The following CUL4A variants were observed in gnomAD, a reference collection of about 807,000 sequenced individuals.
CUL4A encodes cullin 4A.
In CUL4A, 16 loss-of-function variants were observed where a neutral mutation model predicts 95.5. The ratio of observed to expected loss-of-function variants is 0.17; its 90% CI spans 0.11 to 0.25. The LOEUF is 0.25. Among genes scored for constraint, CUL4A ranks in the 10% least tolerant of loss-of-function variants. The pLI is 1.00. For missense variants in CUL4A, 610 were observed against 937.0 expected, an observed-to-expected ratio of 0.65 and a Z score of 4.56; for synonymous variants, 380 against 353.1, an observed-to-expected ratio of 1.08 and a Z score of -0.85.
chr13:113,230,002 TCAG>T (rs1188502865), intron 5 of CUL4A: 3 of 273,930 alleles, frequency 1.1e-5, no homozygotes, highest in African/African-American at 6.6e-5. Context: ...GGGCCTTTCC[TCAG>T]CAGCGTTCGC....
At chr13:113,251,002 C>T (rs960127756) in intron 15 of CUL4A, among the ~76,000 whole-genome samples, 1 of 152,086 alleles carries the variant, frequency 6.6e-6, no homozygotes, top group East Asian at 1.9e-4. Context: ...CAGGGCACAG[C>T]TTAGACAGAA....
rs567248868 is a variant in CUL4A, at chr13:113,235,840, G to A, written c.848+695G>A. 1.2e-3 allele frequency among the ~76,000 whole-genome samples: 182 copies of A among 152,182 alleles called. 1 individual carries two copies. Among genetic ancestry groups the A allele is most frequent in the African/African-American group, 4.2e-3 (175 of 41,524 alleles). ...AAAAAAATTAGCCGGGCGTGGTGGCGGGAACCTATAGTCCCAGCTACTTGG... is the reference window on the plus strand; with the variant it reads ...AAAAAAATTAGCCGGGCGTGGTGGCAGGAACCTATAGTCCCAGCTACTTGG... On this transcript the variant is annotated intron_variant, in intron 8 of 19. Coordinates refer to ENST00000375440, the MANE Select transcript of CUL4A (RefSeq NM_001008895.4).
At position 113,234,980 on chromosome 13, in the gene CUL4A, T is replaced by C. The variant is rs568028600; in HGVS notation, c.766-83T>C. On this transcript the variant is annotated intron_variant, in intron 7 of 19. Transcript: ENST00000375440. ...TATTCTGCTTTTTAAAAAAATTACA[T>C]GTAAGGAAAACAAAATCTCAATTTC... is the stretch of plus-strand genomic sequence containing the variant. The C allele has an allele frequency of 1.3e-5, 13 of 1,021,028 alleles. 1 individual carries two copies. The highest frequency in any genetic ancestry group is 4.5e-5 in the South Asian group (3 of 66,132). The allele number at this position is 1,021,028 out of a possible 1,614,324, so 63.2% of individuals were successfully genotyped here.
At chr13:113,223,876 T>G (rs1170612029) in intron 3 of CUL4A, among the ~76,000 whole-genome samples, 1 of 152,220 alleles carries the variant, frequency 6.6e-6, no homozygotes, top group East Asian at 1.9e-4. Context: ...AATTCTGCAC[T>G]TAGCTGTCCG....
intron 10 of CUL4A, among the ~76,000 whole-genome samples, chr13:113,242,252 A>G (rs1488906723): frequency 6.6e-6 from 1 of 151,816 alleles, no homozygotes; most frequent in Admixed American, 6.6e-5. Flanking sequence ...TGACAAAGCG[A>G]GAGTCCATCT....
Position 113,230,695 on chromosome 13 carries a change from G to A in CUL4A, c.512+1176G>A, listed in dbSNP as rs569802868. Among the ~76,000 whole-genome samples the A allele has an allele frequency of 7.9e-5, 12 of 152,214 alleles. No homozygotes were observed. The South Asian group carries it at 2.5e-3, about 32-fold the overall frequency. ...TCACTCCTATTTTATACAAACTAAG[G>A]CACATAAGTTAAAATAACTTGCCCT... On this transcript the variant is annotated intron_variant, in intron 5 of 19. Transcript: ENST00000375440.
intron 7 of CUL4A, 95 bp from the exon 8 acceptor site, chr13:113,234,967 TA>T: frequency 1.1e-6 from 1 of 907,424 alleles, no homozygotes; most frequent in Non-Finnish European, 1.7e-6. Context: ...TTCTGCTTTT[TA>T]AAAAAATTAC....
intron 18 of CUL4A, among the ~76,000 whole-genome samples, chr13:113,257,506 T>C (rs1163475887): frequency 6.6e-6 from 1 of 152,106 alleles, no homozygotes; most frequent in African/African-American, 2.4e-5. Context: ...TTTCCAGTCA[T>C]GGTGGAAGGT....
intron 10 of CUL4A, among the ~76,000 whole-genome samples, chr13:113,241,167 T>C (rs1215134566): frequency 6.6e-6 from 1 of 152,164 alleles, no homozygotes; most frequent in Non-Finnish European, 1.5e-5. Flanking sequence ...ATAAAGCTAC[T>C]GAAGATTTAG....
At chr13:113,209,124 G>C (rs1317856009), upstream of CUL4A, among the ~76,000 whole-genome samples, 2 of 150,746 alleles carry the variant, frequency 1.3e-5, no homozygotes, top group Non-Finnish European at 3.0e-5. Flanking sequence ...GCAGGAGTTA[G>C]GGCACGTCCC....
intron 15 of CUL4A, among the ~76,000 whole-genome samples, chr13:113,247,295 T>C (rs1351315192): frequency 1.3e-5 from 2 of 152,134 alleles, no homozygotes; most frequent in African/African-American, 4.8e-5. Context: ...CTTATCAATG[T>C]GACTGGACAG....
intron 9 of CUL4A, among the ~76,000 whole-genome samples, chr13:113,238,595 A>T (rs1036767605): frequency 1.3e-5 from 2 of 152,238 alleles, no homozygotes; most frequent in African/African-American, 4.8e-5. Flanking sequence ...TTAAAAAGAT[A>T]CTTTTGAATT....
rs1419529257 is a variant in CUL4A, at chr13:113,263,537, G to A, written c.2235G>A (p.Met745Ile). Residue 745 changes from methionine to isoleucine, a missense_variant, in exon 20 of 20, where the codon ATG (methionine) becomes ATA (isoleucine). By Grantham distance (10) the Met-to-Ile change is conservative (BLOSUM62 1). Around this residue, in one of 10 missense-constraint regions of CUL4A, gnomAD observed 31 missense variants for 40.3 expected, o/e 0.77. Coordinates refer to ENST00000375440, the MANE Select transcript of CUL4A (RefSeq NM_001008895.4). Reference protein sequence around the residue: ...RIESLIDRDYMERDKDNPNQY... With the variant: ...RIESLIDRDYIERDKDNPNQY... ...AATCTCTGATAGACAGAGACTATAT[G>A]GAGAGAGACAAAGACAATCCGAATC... is the stretch of plus-strand genomic sequence containing the variant. 6.2e-7 allele frequency: 1 copy of A among 1,610,000 alleles called. No homozygotes were observed. The highest frequency in any genetic ancestry group is 8.5e-7 in the Non-Finnish European group (1 of 1,178,344).
chr13:113,254,784 T>C lies in CUL4A; in HGVS notation c.1844T>C (p.Met615Thr), dbSNP rs779528054. The C allele has an allele frequency of 5.0e-6, 8 of 1,613,308 alleles. No homozygotes were observed. In the African/African-American group the frequency reaches 1.1e-4, roughly 22 times the overall value. The change falls in exon 17 of 20, where the codon ATG becomes ACG. Residue 615 changes from methionine to threonine, a missense_variant. Transcript: ENST00000375440. ...GGCTTCAGCTTTGAGGAGATAAAAA[T>C]GGCCACGGGGATAGGTACGAAAACT... ...GDGFSFEEIK[M>T]ATGIEDSELR...
rs779675113 is a variant in CUL4A, at chr13:113,235,128, C to T, written c.831C>T (p.Tyr277=). ...AAGAGGGAGACAGAGTAATCACTTA[C>T]TTGGACCACAGCACACAGTAAGTAC... ...LEEEGDRVIT[Y]LDHSTQKPLI... is the part of the protein sequence containing the mutation. Residue 277 remains tyrosine (Y), a synonymous_variant, in exon 8 of 20, where the codon TAC becomes TAT. Coordinates refer to ENST00000375440, the MANE Select transcript of CUL4A (RefSeq NM_001008895.4). 8.1e-6 allele frequency: 13 copies of T among 1,612,758 alleles called. No individual in the cohort carries two copies. The highest frequency in any genetic ancestry group is 1.7e-4 in the Middle Eastern group (1 of 6,058).
intron 4 of CUL4A, 140 bp downstream of exon 4, chr13:113,228,185 C>A: frequency 1.5e-6 from 1 of 673,840 alleles, no homozygotes; most frequent in Non-Finnish European, 2.6e-6. Context: ...ATGAGAAAAG[C>A]AGGGAAGGTG....
Position 113,258,753 on chromosome 13 carries a change from G to C in CUL4A, c.2032-1854G>C, listed in dbSNP as rs569136351. On this transcript the variant is annotated intron_variant, in intron 18 of 19. Coordinates refer to ENST00000375440, the MANE Select transcript of CUL4A (RefSeq NM_001008895.4). ...TGGAGGAAAATGTTAGGATAGAGAAGTGCAGGAGAGTCTAATTAAATACTG... is the reference window on the plus strand; with the variant it reads ...TGGAGGAAAATGTTAGGATAGAGAACTGCAGGAGAGTCTAATTAAATACTG... Among the ~76,000 whole-genome samples the C allele has an allele frequency of 9.8e-5, 15 of 152,324 alleles. No individual in the cohort carries two copies. In the South Asian group the frequency reaches 3.1e-3, roughly 32 times the overall value.
intron 18 of CUL4A, among the ~76,000 whole-genome samples, chr13:113,257,205 G>A (rs1335181520): frequency 2.0e-5 from 3 of 152,022 alleles, no homozygotes; most frequent in South Asian, 4.1e-4. Flanking sequence ...GATTACAGGC[G>A]TGAGCCACCA....
At chr13:113,208,678 C>G, upstream of CUL4A, 1 of 1,580,542 alleles carries the variant, frequency 6.3e-7, no homozygotes, top group Non-Finnish European at 8.6e-7. Context: ...ACGCCTCAAG[C>G]GGGCCAGCTG....
Sources: allele counts gnomAD v4.1 joint callset (sites outside exome capture counted in the v4.1 genomes callset), GRCh38; gene constraint gnomAD v4.1.1; regional missense constraint gnomAD v4.1.1; transcripts MANE v1.5; gene names NCBI Gene and HGNC (gene_info 2026-07-23, HGNC 2026-07-21).